KRAS: variants seen among roughly 807,000 people sequenced by gnomAD.
KRAS encodes KRas proto-oncogene, GTPase, also known as GTPase KRas.
In KRAS, 1 loss-of-function variant was observed where a neutral mutation model predicts 21.0. The observed-to-expected ratio is 0.05, with a 90% confidence interval of 0.02 to 0.23. The LOEUF is 0.23. Among genes scored for constraint, KRAS ranks in the 10% least tolerant of loss-of-function variants. KRAS has a pLI of 1.00. For missense variants in KRAS, 107 were observed against 221.8 expected (o/e 0.48, Z 3.29); for synonymous variants, 67 against 72.5 (o/e 0.92, Z 0.39).
intron 1 of KRAS, among the ~76,000 whole-genome samples, chr12:25,249,796 G>C (rs144282142): frequency 6.6e-6 from 1 of 152,074 alleles, no homozygotes; most frequent in Non-Finnish European, 1.5e-5. Flanking sequence ...ATAAGAAATA[G>C]GGGAAAGGAC....
At position 25,249,069 on chromosome 12, in the gene KRAS, A is replaced by G. The variant is rs377310775; in HGVS notation, c.-12+1682T>C. The stretch of plus-strand genomic sequence containing the variant: ...ATTATAAACATAACATATACATTGT[A>G]TAACAATTAGAAAACCTGTCTGTTT... On this transcript the variant is annotated intron_variant, in intron 1 of 4. Coordinates refer to ENST00000311936, the MANE Select transcript of KRAS (RefSeq NM_004985.5). Among the ~76,000 whole-genome samples the G allele has an allele frequency of 3.9e-5, 6 of 152,324 alleles. No individual in the cohort carries two copies. In the South Asian group the frequency reaches 1.0e-3, roughly 26 times the overall value.
intron 2 of KRAS, among the ~76,000 whole-genome samples, 176 bp downstream of exon 2, chr12:25,245,098 G>C (rs903357291): frequency 1.3e-5 from 2 of 152,184 alleles, no homozygotes; most frequent in Admixed American, 1.3e-4. Flanking sequence ...CCCAAGGAAA[G>C]TAAAGTTCCC....
At chr12:25,242,298 A>C (rs1204408541) in intron 2 of KRAS, among the ~76,000 whole-genome samples, 1 of 152,188 alleles carries the variant, frequency 6.6e-6, no homozygotes, top group African/African-American at 2.4e-5. Flanking sequence ...TACTTAATAT[A>C]TATTTGGTAA....
At chr12:25,232,223 AGCAAGCTACTGCCCACAG>A (rs1951483072) in intron 2 of KRAS, among the ~76,000 whole-genome samples, 1 of 152,230 alleles carries the variant, frequency 6.6e-6, no homozygotes, top group South Asian at 2.1e-4. Flanking sequence ...ATAAGGTTTC[AGCAAGCTACTGCCCACAG>A]GCCAAATCTT....
At chr12:25,241,303 T>C (rs1328112369) in intron 2 of KRAS, among the ~76,000 whole-genome samples, 3 of 152,188 alleles carry the variant, frequency 2.0e-5, no homozygotes, top group African/African-American at 7.2e-5. Flanking sequence ...ACCCATAATT[T>C]AAACAGCGAA....
At chr12:25,211,829 A>T (rs1042735096) in intron 4 of KRAS, among the ~76,000 whole-genome samples, 1 of 152,198 alleles carries the variant, frequency 6.6e-6, no homozygotes, top group East Asian at 1.9e-4. Flanking sequence ...TTTGAGCACT[A>T]GTGAAAGTCT....
intron 4 of KRAS, among the ~76,000 whole-genome samples, chr12:25,214,149 A>C (rs1376151593): frequency 6.6e-6 from 1 of 152,234 alleles, no homozygotes; most frequent in African/African-American, 2.4e-5. Flanking sequence ...CTGGGGAATC[A>C]TGAGAGTGTT....
intron 1 of KRAS, among the ~76,000 whole-genome samples, chr12:25,246,147 CAAAA>C (rs35617676): frequency 8.3e-5 from 7 of 84,466 alleles, no homozygotes; most frequent in African/African-American, 9.1e-5. Context: ...GACTCCGTCT[CAAAA>C]AAAAAAAAAA....
chr12:25,209,368 T>C lies in KRAS; in HGVS notation c.*427A>G, dbSNP rs1236697949. On this transcript the variant is annotated 3_prime_UTR_variant, in exon 5 of 5. Transcript: ENST00000311936. ...AATTTGTGTTCCCTCAATGTTTCAG[T>C]AAAAACCAATTAGAAGGTCTCAACT... 9 of 663,744 alleles carry C rather than the reference T, an allele frequency of 1.4e-5. No homozygotes were observed. The highest frequency in any genetic ancestry group is 2.1e-5 in the Non-Finnish European group (9 of 423,738). The allele number at this position is 663,744 out of a possible 1,614,324, so 41.1% of individuals were successfully genotyped here.
intron 1 of KRAS, among the ~76,000 whole-genome samples, chr12:25,250,544 G>A (rs1309015225): frequency 6.6e-6 from 1 of 152,028 alleles, no homozygotes; most frequent in Non-Finnish European, 1.5e-5. Context: ...GCCCCGCACC[G>A]CCCATTCCTC....
chr12:25,241,292 C>T (rs928356442), intron 2 of KRAS, among the ~76,000 whole-genome samples: 2 of 151,962 alleles, frequency 1.3e-5, no homozygotes, highest in African/African-American at 4.8e-5. Flanking sequence ...AAATTGATGC[C>T]ACCCATAATT....
intron 4 of KRAS, among the ~76,000 whole-genome samples, chr12:25,216,024 T>G (rs1951250955): frequency 6.6e-6 from 1 of 152,224 alleles, no homozygotes; most frequent in Admixed American, 6.5e-5. Flanking sequence ...GTGAAACCTT[T>G]GTTAAAAAAC....
intron 2 of KRAS, chr12:25,234,328 AAAAG>A (rs1263662253): frequency 1.1e-5 from 2 of 180,218 alleles, no homozygotes; most frequent in African/African-American, 2.4e-5. Flanking sequence ...TATCTTGGAA[AAAAG>A]AAAGAGCTAA....
chr12:25,227,686 A>C (rs1222806167), intron 2 of KRAS, among the ~76,000 whole-genome samples: 1 of 152,096 alleles, frequency 6.6e-6, no homozygotes, highest in Admixed American at 6.6e-5. Flanking sequence ...AAACAAAAAA[A>C]CTCAAAAAAT....
chr12:25,235,057 T>C (rs1353154405), intron 2 of KRAS: 1 of 374,636 alleles, frequency 2.7e-6, no homozygotes, highest in Non-Finnish European at 4.8e-6. Flanking sequence ...AAACATCATC[T>C]CATTTAATCT....
At position 25,206,849 on chromosome 12, in the gene KRAS, A is replaced by G. The variant is rs1270110621; in HGVS notation, c.*2946T>C. 2 of 200,244 alleles carry G rather than the reference A, an allele frequency of 1.0e-5. No homozygotes were observed. The highest frequency in any genetic ancestry group is 4.6e-5 in the African/African-American group (2 of 43,526). The allele number at this position is 200,244 out of a possible 1,614,324, so 12.4% of individuals were successfully genotyped here. A position where few individuals can be genotyped will look rare whatever the true frequency, so the allele number is the denominator to read the frequency against. Reference sequence around the variant, plus strand: ...CTTATGCAGAGAAAACTGGAATATTACACATTTGGGTCAATATGAATATCT... The same window carrying G: ...CTTATGCAGAGAAAACTGGAATATTGCACATTTGGGTCAATATGAATATCT... On this transcript the variant is annotated 3_prime_UTR_variant, in exon 5 of 5. Coordinates refer to ENST00000311936, the MANE Select transcript of KRAS (RefSeq NM_004985.5).
At chr12:25,213,606 T>A (rs1951222345) in intron 4 of KRAS, among the ~76,000 whole-genome samples, 1 of 152,234 alleles carries the variant, frequency 6.6e-6, no homozygotes, top group Non-Finnish European at 1.5e-5. Context: ...GTACACCACG[T>A]AGTATCTTTT....
chr12:25,209,501 A>G lies in KRAS; in HGVS notation c.*294T>C. 2 of 1,299,880 alleles carry G rather than the reference A, an allele frequency of 1.5e-6. No homozygotes were observed. Among genetic ancestry groups the G allele is most frequent in the Non-Finnish European group, 2.0e-6 (2 of 1,025,186 alleles). 80.5% of individuals were successfully genotyped at this position (1,299,880 alleles called of 1,614,324 possible). A position where few individuals can be genotyped will look rare whatever the true frequency, so the allele number is the denominator to read the frequency against. On this transcript the variant is annotated 3_prime_UTR_variant, in exon 5 of 5. Transcript: ENST00000311936. Reference sequence around the variant, plus strand: ...CCAACATTCACAATTGGTAAGAAAAATAAGAAGTAATCAACTGCATGCACC... The same window carrying G: ...CCAACATTCACAATTGGTAAGAAAAGTAAGAAGTAATCAACTGCATGCACC...
rs1172646318 is a variant in KRAS at position 25,209,583 on chromosome 12, G to A, written c.*212C>T. The A allele has an allele frequency of 2.2e-6, 3 of 1,336,424 alleles. No individual in the cohort carries two copies. Among genetic ancestry groups the A allele is most frequent in the Non-Finnish European group, 2.9e-6 (3 of 1,046,940 alleles). 82.8% of individuals were successfully genotyped at this position (1,336,424 alleles called of 1,614,324 possible). ...AGTTTCTTTTTCACAGGCATTGCTA[G>A]TTCAAAAACCAAAACTCTGGGAATA... On this transcript the variant is annotated 3_prime_UTR_variant, in exon 5 of 5. Transcript: ENST00000311936.
Sources: gnomAD v4.1 joint callset for allele counts (sites outside exome capture counted in the v4.1 genomes callset) on GRCh38, gnomAD v4.1.1 for gene constraint, MANE v1.5 for transcripts, NCBI Gene and HGNC (gene_info 2026-07-23, HGNC 2026-07-21) for gene names.